The following PRKCQ variants were observed in gnomAD, a reference collection of about 807,000 sequenced individuals.
PRKCQ encodes the protein protein kinase C theta.
In PRKCQ, 41 loss-of-function variants were observed where a neutral mutation model predicts 91.2. The observed-to-expected ratio is 0.45, with a 90% CI of 0.35 to 0.58. The LOEUF (loss-of-function observed/expected upper bound fraction) is 0.58. Ranked by LOEUF, PRKCQ falls within the 20% of genes least tolerant of loss-of-function variation. The probability of loss-of-function intolerance (pLI) is 0.00; values close to 1 mark genes in which losing one functional copy is unlikely to be tolerated. For missense variants in PRKCQ, 673 were observed against 896.5 expected, an observed-to-expected ratio of 0.75 and a Z score of 3.18; for synonymous variants, 307 against 316.9, an observed-to-expected ratio of 0.97 and a Z score of 0.33.
At chr10:6,519,513 G>C (rs11259366) in intron 1 of PRKCQ, among the ~76,000 whole-genome samples, 63,356 of 151,908 alleles carry the variant, frequency 0.42, 15,185 homozygotes, top group Admixed American at 0.57. Context: ...ATAATCAGGC[G>C]AAGTTTGAGA....
intron 1 of PRKCQ, among the ~76,000 whole-genome samples, chr10:6,549,512 T>C (rs1840097728): frequency 6.6e-6 from 1 of 152,134 alleles, no homozygotes; most frequent in South Asian, 2.1e-4. Flanking sequence ...GTCATAGCGA[T>C]TACTAGGTTG....
At chr10:6,422,693 C>T (rs948975653), downstream of PRKCQ, among the ~76,000 whole-genome samples, 5 of 152,218 alleles carry the variant, frequency 3.3e-5, no homozygotes, top group Non-Finnish European at 5.9e-5. Flanking sequence ...AAACTGAGCT[C>T]TCCTTCTGCC....
chr10:6,532,353 C>T (rs1401210189), intron 1 of PRKCQ, among the ~76,000 whole-genome samples: 1 of 152,194 alleles, frequency 6.6e-6, no homozygotes, highest in South Asian at 2.1e-4. Flanking sequence ...TTATGGGATA[C>T]ATAGTTGGCA....
At position 6,486,132 on chromosome 10, in the gene PRKCQ, T is replaced by C. The variant is rs780480963; in HGVS notation, c.803A>G (p.Asn268Ser). 1.9e-6 allele frequency: 3 copies of C among 1,614,052 alleles called. No individual in the cohort carries two copies. Among genetic ancestry groups the C allele is most frequent in the Middle Eastern group, 1.6e-4 (1 of 6,062 alleles). Residue 268 changes from asparagine to serine, a missense_variant, in exon 9 of 18, where the codon AAT becomes AGT. Transcript: ENST00000263125. ...QGLKCDACGMNVHHRCQTKVA... is the reference protein window; with the variant it reads ...QGLKCDACGMSVHHRCQTKVA... ...CTTTGTCTGGCATCTATGATGCACATTCATGCCACATGCTGGAAGGAAGAA... is the reference window on the plus strand; with the variant it reads ...CTTTGTCTGGCATCTATGATGCACACTCATGCCACATGCTGGAAGGAAGAA...
intron 3 of PRKCQ, 122 bp from the exon 4 acceptor site, chr10:6,507,618 C>T: frequency 1.2e-6 from 1 of 849,970 alleles, no homozygotes; most frequent in Non-Finnish European, 2.0e-6. Flanking sequence ...TTGTTACTCT[C>T]CACTGTACTC....
chr10:6,486,754 C>T (rs1185681775), intron 8 of PRKCQ, among the ~76,000 whole-genome samples: 2 of 152,242 alleles, frequency 1.3e-5, no homozygotes, highest in East Asian at 3.9e-4. Context: ...GAAGAATATT[C>T]CTGCCCACTC....
At chr10:6,482,386 G>A (rs905060999) in intron 11 of PRKCQ, among the ~76,000 whole-genome samples, 46 of 152,108 alleles carry the variant, frequency 3.0e-4, no homozygotes, top group African/African-American at 1.0e-3. Flanking sequence ...ACTTGGGTTC[G>A]GGAGGTCAAG....
At chr10:6,503,522 T>C (rs1838029595) in intron 4 of PRKCQ, among the ~76,000 whole-genome samples, 1 of 151,386 alleles carries the variant, frequency 6.6e-6, no homozygotes, top group Admixed American at 6.6e-5. Flanking sequence ...AAGAACAAAG[T>C]AGTCTGTTAT....
intron 1 of PRKCQ, among the ~76,000 whole-genome samples, chr10:6,538,104 G>A (rs1839651015): frequency 6.6e-6 from 1 of 152,236 alleles, no homozygotes; most frequent in South Asian, 2.1e-4. Context: ...CCAAGGATGT[G>A]CCTTCTGTTC....
intron 13 of PRKCQ, 38 bp downstream of exon 13, chr10:6,464,275 A>G: frequency 1.3e-6 from 2 of 1,562,586 alleles, no homozygotes; most frequent in Non-Finnish European, 1.8e-6. Flanking sequence ...AACTGACAAG[A>G]ACAGTGGAAA....
intron 1 of PRKCQ, among the ~76,000 whole-genome samples, chr10:6,562,746 GCTGTATGGTAGCT>G (rs765461898): frequency 4.6e-5 from 7 of 152,102 alleles, no homozygotes; most frequent in Non-Finnish European, 8.8e-5. Flanking sequence ...TTCCAGTTCT[GCTGTATGGTAGCT>G]CTGTGGCTTT....
downstream of PRKCQ, among the ~76,000 whole-genome samples, chr10:6,425,455 C>T (rs750929988): frequency 4.6e-5 from 7 of 152,056 alleles, no homozygotes; most frequent in South Asian, 2.1e-4. Context: ...AACTCCTGAC[C>T]TCATGATCTG....
At chr10:6,490,956 C>T (rs944308018) in intron 8 of PRKCQ, among the ~76,000 whole-genome samples, 3 of 151,824 alleles carry the variant, frequency 2.0e-5, no homozygotes, top group Non-Finnish European at 2.9e-5. Context: ...TAAACGTTAT[C>T]GCCTTAGCAA....
intron 16 of PRKCQ, among the ~76,000 whole-genome samples, chr10:6,439,151 C>T (rs567306230): frequency 7.7e-4 from 117 of 152,318 alleles, no homozygotes; most frequent in Middle Eastern, 3.4e-3. Context: ...TCTGTCTCCA[C>T]GTGGGTTTGC....
At chr10:6,404,255 GGAGAGAGAGAGA>G in the PRKCQ span, among the ~76,000 whole-genome samples, 6 of 34,360 alleles carry the variant, frequency 1.7e-4, no homozygotes, top group African/African-American at 5.1e-4. Flanking sequence ...GAAGGGGGGG[GGAGAGAGAGAGA>G]GAGAGAGAGA....
chr10:6,512,978 G>A (rs1015024114), intron 2 of PRKCQ, among the ~76,000 whole-genome samples: 15 of 152,148 alleles, frequency 9.9e-5, no homozygotes, highest in African/African-American at 3.1e-4. Flanking sequence ...TTCCCTTTCC[G>A]ATACTTCCTT....
At position 6,497,891 on chromosome 10, in the gene PRKCQ, T is replaced by C. The variant is rs969668093; in HGVS notation, c.542+505A>G. 1.3e-5 allele frequency among the ~76,000 whole-genome samples: 2 copies of C among 152,222 alleles called. No homozygotes were observed. Among genetic ancestry groups the C allele is most frequent in the Non-Finnish European group, 2.9e-5 (2 of 68,044 alleles). On this transcript the variant is annotated intron_variant, in intron 5 of 17. Coordinates refer to ENST00000263125, the MANE Select transcript of PRKCQ (RefSeq NM_006257.5). The surrounding 1 kb of genome is among the most constrained non-coding windows in gnomAD (Gnocchi z 4.5). ...TGCTGAGAGCCAGAAACAGGAGTTATTTCAAGTCTCCACTCTGTCATAGCC... is the reference window on the plus strand; with the variant it reads ...TGCTGAGAGCCAGAAACAGGAGTTACTTCAAGTCTCCACTCTGTCATAGCC...
At chr10:6,564,886 T>C (rs989867674) in intron 1 of PRKCQ, among the ~76,000 whole-genome samples, 8 of 152,350 alleles carry the variant, frequency 5.3e-5, no homozygotes, top group African/African-American at 1.7e-4. Context: ...ATATACCCAC[T>C]TGTACTTCAT....
chr10:6,572,268 G>A (rs978277552), intron 1 of PRKCQ, among the ~76,000 whole-genome samples: 4 of 134,206 alleles, frequency 3.0e-5, no homozygotes, highest in East Asian at 2.2e-4. Context: ...GGTGCAGGAC[G>A]TGCAGGTTTG....
Sources: allele counts gnomAD v4.1 joint callset (sites outside exome capture counted in the v4.1 genomes callset), GRCh38; gene constraint gnomAD v4.1.1; non-coding constraint Gnocchi (gnomAD v3.1); transcripts MANE v1.5; gene names NCBI Gene and HGNC (gene_info 2026-07-23, HGNC 2026-07-21).